The following RANBP3 variants were observed in gnomAD, a reference collection of about 807,000 sequenced individuals.
RANBP3 encodes the protein RAN binding protein 3, also known as ran-binding protein 3.
A neutral mutation model predicts 77.3 loss-of-function variants in RANBP3; 14 were observed. The ratio of observed to expected loss-of-function variants is 0.18; its 90% CI spans 0.12 to 0.28. The LOEUF (loss-of-function observed/expected upper bound fraction) is 0.28, where lower values mean the gene tolerates loss of function less well. Ranked by LOEUF, RANBP3 falls within the 10% of genes least tolerant of loss-of-function variation. RANBP3 has a pLI of 1.00. For synonymous variants in RANBP3, 315 were observed against 312.4 expected, an observed-to-expected ratio of 1.01 and a Z score of -0.09; for missense variants, 586 against 752.3, an observed-to-expected ratio of 0.78 and a Z score of 2.59.
intron 3 of RANBP3, chr19:5,950,533 C>T (rs2058262329): frequency 6.6e-6 from 1 of 152,212 alleles, no homozygotes; most frequent in Non-Finnish European, 1.5e-5. Flanking sequence ...AGAAAGAACG[C>T]TGAGGTCCGG....
At chr19:5,942,891 G>C (rs1208280118) in intron 3 of RANBP3, among the ~76,000 whole-genome samples, 1 of 152,006 alleles carries the variant, frequency 6.6e-6, no homozygotes, top group East Asian at 1.9e-4. Flanking sequence ...AGCTGGGCAG[G>C]GGGGTGAATG....
At chr19:5,925,325 T>C in intron 10 of RANBP3, 1 of 518,026 alleles carries the variant, frequency 1.9e-6, no homozygotes, top group Non-Finnish European at 3.5e-6. Context: ...TGCTCTGTTC[T>C]GCTCTGGGCA....
Position 5,921,040 on chromosome 19 carries a change from G to C in RANBP3, c.1330+161C>G. The C allele has an allele frequency of 1.2e-6, 1 of 805,876 alleles. No individual in the cohort carries two copies. The highest frequency in any genetic ancestry group is 1.8e-6 in the Non-Finnish European group (1 of 550,932). The allele number at this position is 805,876 out of a possible 1,614,324, so 49.9% of individuals were successfully genotyped here. ...GGGTGGTGTTGAGGGCTGGGTGCAG[G>C]GAGGGGGTTTGGGGGGCGGCTCTCA... On this transcript the variant is annotated intron_variant, in intron 14 of 16. Transcript: ENST00000340578. This position sits in a 1 kb window ranked among gnomAD's most constrained non-coding sequence, Gnocchi z 5.3.
chr19:5,925,359 C>T (rs909156799), intron 10 of RANBP3: 2 of 549,376 alleles, frequency 3.6e-6, no homozygotes, highest in African/African-American at 3.8e-5. Context: ...ACAGAGGGCA[C>T]ACTCCAAGGG....
intron 3 of RANBP3, among the ~76,000 whole-genome samples, chr19:5,950,353 C>A (rs376627476): frequency 6.6e-6 from 1 of 152,216 alleles, no homozygotes; most frequent in African/African-American, 2.4e-5. Context: ...TAGCCTATGG[C>A]ACAAGTAAAG....
In RANBP3 at chr19:5,941,602, G is replaced by GT. The variant is rs762408098; in HGVS notation, c.406+18dup. On this transcript the variant is annotated intron_variant, in intron 5 of 16. Transcript: ENST00000340578. ...TAAGCATAAACGCTTTCACCATTCC[G>GT]TAAGTTTGCATATTTTACCTGACTG... 6 of 1,596,244 alleles carry GT rather than the reference G, an allele frequency of 3.8e-6. No homozygotes were observed. In the South Asian group the frequency reaches 6.6e-5, roughly 18 times the overall value.
At chr19:5,941,515 C>G (rs568439796) in intron 5 of RANBP3, 106 bp downstream of exon 5, 1 of 1,029,546 alleles carries the variant, frequency 9.7e-7, no homozygotes, top group South Asian at 1.5e-5. Flanking sequence ...CGACTCTAAC[C>G]GGAGCTGGGC....
In RANBP3 at chr19:5,918,489, G is replaced by A; in HGVS notation, c.1473+7C>T. ...GGGTCCCAGATGCACCCGCGTGGCT[G>A]GCTCACCGAGATCAGGAAGACCTTC... is the stretch of plus-strand genomic sequence containing the variant. On this transcript the variant is annotated splice_region_variant and intron_variant, in intron 15 of 16. Coordinates refer to ENST00000340578, the MANE Select transcript of RANBP3 (RefSeq NM_007322.3). 1.2e-6 allele frequency: 2 copies of A among 1,606,612 alleles called. No homozygotes were observed. Among genetic ancestry groups the A allele is most frequent in the Non-Finnish European group, 1.7e-6 (2 of 1,177,334 alleles).
chr19:5,950,485 T>C (rs185831365), intron 3 of RANBP3: 1 of 152,644 alleles, frequency 6.6e-6, no homozygotes, highest in East Asian at 1.9e-4. Context: ...TAGCTGAATG[T>C]TAACAGTTTC....
chr19:5,961,872 G>C (rs551244), intron 1 of RANBP3, among the ~76,000 whole-genome samples: 107,614 of 151,640 alleles, frequency 0.71, 38,494 homozygotes, highest in Admixed American at 0.79. Context: ...GCCCGCTGTC[G>C]CTGCACGTCC....
At chr19:5,956,319 C>A (rs778491943) in intron 2 of RANBP3, among the ~76,000 whole-genome samples, 7 of 152,152 alleles carry the variant, frequency 4.6e-5, no homozygotes, top group Non-Finnish European at 7.3e-5. Flanking sequence ...CACCCAACTC[C>A]TGAGGCTTCA....
intron 16 of RANBP3, 30 bp from the exon 17 acceptor site, chr19:5,917,683 A>C: frequency 6.2e-7 from 1 of 1,602,846 alleles, no homozygotes; most frequent in African/African-American, 1.3e-5. Flanking sequence ...CCGCATCAGG[A>C]TGGAGCCCGC....
intron 3 of RANBP3, among the ~76,000 whole-genome samples, chr19:5,949,468 G>T (rs180921246): frequency 1.3e-5 from 2 of 152,240 alleles, no homozygotes; most frequent in African/African-American, 4.8e-5. Context: ...GTCACAAGGG[G>T]CTTGACAATG....
rs1235970869 is a variant in RANBP3 at position 5,917,047 on chromosome 19, A to G, written c.*563T>C. The G allele has an allele frequency of 6.4e-6, 1 of 157,350 alleles. No homozygotes were observed. The highest frequency in any genetic ancestry group is 1.4e-5 in the Non-Finnish European group (1 of 70,028). The allele number at this position is 157,350 out of a possible 1,614,324, so 9.7% of individuals were successfully genotyped here. A position where few individuals can be genotyped will look rare whatever the true frequency, so the allele number is the denominator to read the frequency against. The stretch of plus-strand genomic sequence containing the variant: ...AAAAGATGTAAAATATACACCCCCA[A>G]TCAGAGAGGGGAAGTGGGAAATGAA... On this transcript the variant is annotated 3_prime_UTR_variant, in exon 17 of 17. Coordinates refer to ENST00000340578, the MANE Select transcript of RANBP3 (RefSeq NM_007322.3).
rs202009199 is a variant in RANBP3, at chr19:5,971,497, T to C, written c.22+6564A>G. ...CTTATCTGCTTCTATAGTTCATCTG[T>C]TGGCATATCACACATCCAATAACCT... On this transcript the variant is annotated intron_variant, in intron 1 of 16. Coordinates refer to ENST00000340578, the MANE Select transcript of RANBP3 (RefSeq NM_007322.3). 1.1e-4 allele frequency among the ~76,000 whole-genome samples: 17 copies of C among 152,336 alleles called. No individual in the cohort carries two copies. In the East Asian group the frequency reaches 3.3e-3, roughly 29 times the overall value.
chr19:5,955,141 AT>A (rs1210633781), intron 2 of RANBP3, among the ~76,000 whole-genome samples: 5 of 151,888 alleles, frequency 3.3e-5, no homozygotes, highest in African/African-American at 4.8e-5. Context: ...TTTATTTTTA[AT>A]TTTTTTTGAG....
intron 5 of RANBP3, among the ~76,000 whole-genome samples, chr19:5,939,890 A>G (rs2058113172): frequency 6.6e-6 from 1 of 152,182 alleles, no homozygotes; most frequent in African/African-American, 2.4e-5. Context: ...GGCAGGGGAG[A>G]TATCAGATGC....
intron 6 of RANBP3, 72 bp downstream of exon 6, chr19:5,933,342 C>A: frequency 7.9e-7 from 1 of 1,262,794 alleles, no homozygotes; most frequent in Admixed American, 2.3e-5. Flanking sequence ...CCGCGGTGCC[C>A]TGGTGTGGCC....
At chr19:5,961,987 C>T (rs2058408952) in intron 1 of RANBP3, among the ~76,000 whole-genome samples, 1 of 151,932 alleles carries the variant, frequency 6.6e-6, no homozygotes, top group Non-Finnish European at 1.5e-5. Flanking sequence ...TGCACAGACA[C>T]CATCTCCTTC....
Sources: allele counts gnomAD v4.1 joint callset (sites outside exome capture counted in the v4.1 genomes callset), GRCh38; gene constraint gnomAD v4.1.1; non-coding constraint Gnocchi (gnomAD v3.1); transcripts MANE v1.5; gene names NCBI Gene and HGNC (gene_info 2026-07-23, HGNC 2026-07-21).